The following HPS3 variants were observed in gnomAD, a reference collection of about 807,000 sequenced individuals.
HPS3 encodes BLOC-2 complex member HPS3.
HPS3 carries 79 observed loss-of-function variants against 110.9 expected under a neutral mutation model. That is an observed-to-expected ratio of 0.71 (90% confidence interval 0.59 to 0.86). HPS3 has a LOEUF of 0.86. HPS3 is among the 40% of genes least tolerant of loss of function. HPS3 has a pLI of 0.00. For missense variants in HPS3, 1,197 were observed against 1,206.2 expected (o/e 0.99, Z 0.11); for synonymous variants, 428 against 451.0 (o/e 0.95, Z 0.65).
intron 7 of HPS3, 175 bp downstream of exon 7, chr3:149,153,823 A>G (rs1723282789): frequency 1.5e-6 from 1 of 652,306 alleles, no homozygotes; most frequent in African/African-American, 1.8e-5. Context: ...AATACACTTT[A>G]TAACTGACCT....
chr3:149,164,378 TTAG>T, intron 14 of HPS3, among the ~76,000 whole-genome samples: 1 of 152,290 alleles, frequency 6.6e-6, no homozygotes, highest in African/African-American at 2.4e-5. Context: ...GTCAAAGTAG[TTAG>T]TTTATCCAGC....
rs1723705919 is a variant in HPS3 at position 149,160,287 on chromosome 3, G to C, written c.2106+8G>C. On this transcript the variant is annotated splice_region_variant and intron_variant, in intron 11 of 16. Coordinates refer to ENST00000296051, the MANE Select transcript of HPS3 (RefSeq NM_032383.5). Reference sequence around the variant, plus strand: ...ATGAAAAGCCATTCAGAGGTATGGAGCTCTGCCCGGTGCTAACAGAAGGCT... The same window carrying C: ...ATGAAAAGCCATTCAGAGGTATGGACCTCTGCCCGGTGCTAACAGAAGGCT... 4 of 1,565,906 alleles carry C rather than the reference G, an allele frequency of 2.6e-6. No individual in the cohort carries two copies. The highest frequency in any genetic ancestry group is 3.5e-6 in the Non-Finnish European group (4 of 1,136,202).
intron 1 of HPS3, among the ~76,000 whole-genome samples, chr3:149,130,694 C>T (rs1314239004): frequency 1.3e-5 from 2 of 152,098 alleles, no homozygotes; most frequent in Non-Finnish European, 2.9e-5. Context: ...GCAGGAGAAT[C>T]GCTTGAACCG....
chr3:149,166,053 G>A (rs1216021676), intron 14 of HPS3: 4 of 455,048 alleles, frequency 8.8e-6, no homozygotes, highest in Non-Finnish European at 1.8e-5. Flanking sequence ...AGAAGATGCT[G>A]TAGCAAAAAG....
intron 10 of HPS3, 93 bp from the exon 11 acceptor site, chr3:149,159,953 T>C: frequency 2.3e-6 from 2 of 864,628 alleles, no homozygotes; most frequent in South Asian, 2.7e-5. Context: ...AATGTTTGTG[T>C]CTTGGCTTTT....
At chr3:149,165,994 C>G (rs1431369120) in intron 14 of HPS3, 3 of 456,218 alleles carry the variant, frequency 6.6e-6, no homozygotes, top group South Asian at 3.1e-5. Context: ...AAAATAATCA[C>G]ACTGACTGTG....
chr3:149,149,619 A>G (rs1722982924), intron 5 of HPS3, among the ~76,000 whole-genome samples: 2 of 151,766 alleles, frequency 1.3e-5, no homozygotes, highest in African/African-American at 4.8e-5. Flanking sequence ...TTTAAATTTA[A>G]TATTACTGTT....
Position 149,141,514 on chromosome 3 carries a change from A to T in HPS3, c.970+134A>T, listed in dbSNP as rs1367275547. 1.3e-5 allele frequency: 9 copies of T among 670,402 alleles called. No homozygotes were observed. The Admixed American group carries it at 2.6e-4, about 20-fold the overall frequency. The allele number at this position is 670,402 out of a possible 1,614,324, so 41.5% of individuals were successfully genotyped here. A position where few individuals can be genotyped will look rare whatever the true frequency, so the allele number is the denominator to read the frequency against. ...ACTGGAGTCTCCTTGTGGCCCTTTA[A>T]CAAAGTTTTTTTTTTTGTTTTTTTT... On this transcript the variant is annotated intron_variant, in intron 4 of 16. Transcript: ENST00000296051.
intron 6 of HPS3, 80 bp downstream of exon 6, chr3:149,150,760 C>A: frequency 9.1e-7 from 1 of 1,103,244 alleles, no homozygotes; most frequent in Non-Finnish European, 1.4e-6. Flanking sequence ...GCTCTCAGAC[C>A]TAAGCTAGGC....
chr3:149,154,340 T>G lies in HPS3; in HGVS notation c.1400+692T>G, dbSNP rs1723309677. On this transcript the variant is annotated intron_variant, in intron 7 of 16. Transcript: ENST00000296051. ...TGTATTTCATATCAAACATGGGTTA[T>G]TTTTAACATAGATTTTTACTTTTTC... Among the ~76,000 whole-genome samples, 4 of 152,090 alleles carry G rather than the reference T, an allele frequency of 2.6e-5. 1 individual carries two copies. In the South Asian group the frequency reaches 8.3e-4, roughly 32 times the overall value.
intron 9 of HPS3, among the ~76,000 whole-genome samples, chr3:149,157,744 G>A (rs1345061680): frequency 6.6e-6 from 1 of 152,166 alleles, no homozygotes; most frequent in Non-Finnish European, 1.5e-5. Context: ...TGCTCTCAAG[G>A]AGTCACAGTT....
rs368635545 is a variant in HPS3, at chr3:149,133,443, C to T, written c.217+3503C>T. ...CCTCCCAAGTAGCTGGGGTTACAGGCATGCGCTACCACTTGTGGCGAATTT... is the reference window on the plus strand; with the variant it reads ...CCTCCCAAGTAGCTGGGGTTACAGGTATGCGCTACCACTTGTGGCGAATTT... On this transcript the variant is annotated intron_variant, in intron 1 of 16. Coordinates refer to ENST00000296051, the MANE Select transcript of HPS3 (RefSeq NM_032383.5). Among the ~76,000 whole-genome samples, 4 of 152,184 alleles carry T rather than the reference C, an allele frequency of 2.6e-5. 1 individual carries two copies. Among genetic ancestry groups the T allele is most frequent in the Admixed American group, 6.5e-5 (1 of 15,272 alleles).
intron 14 of HPS3, 35 bp downstream of exon 14, chr3:149,163,984 C>G: frequency 9.7e-7 from 1 of 1,031,206 alleles, no homozygotes. Flanking sequence ...TATGAAATTG[C>G]ATATTACAAT....
chr3:149,158,761 A>G lies in HPS3; in HGVS notation c.1787A>G (p.Glu596Gly), dbSNP rs147557809. 127 of 1,612,246 alleles carry G rather than the reference A, an allele frequency of 7.9e-5. No homozygotes were observed. The highest frequency in any genetic ancestry group is 1.6e-4 in the Middle Eastern group (1 of 6,078). Reference sequence around the variant, plus strand: ...CTGGCCCGCACGGACTGGACAGTAGAGGATGGATTACAGAAATACGAGAGA... The same window carrying G: ...CTGGCCCGCACGGACTGGACAGTAGGGGATGGATTACAGAAATACGAGAGA... ...EVLARTDWTV[E>G]DGLQKYERGL... Residue 596 changes from glutamate (E) to glycine (G), a missense_variant, in exon 10 of 17, where the codon GAG (glutamate) becomes GGG (glycine). Transcript: ENST00000296051.
intron 11 of HPS3, among the ~76,000 whole-genome samples, 166 bp from the exon 12 acceptor site, chr3:149,161,982 G>A (rs1029197391): frequency 6.6e-6 from 1 of 152,168 alleles, no homozygotes; most frequent in African/African-American, 2.4e-5. Flanking sequence ...ACAGTCAGTG[G>A]TGTCCTTTGG....
rs1724491968 is a variant in HPS3, at chr3:149,167,021, T to A, written c.2590-13T>A. The A allele has an allele frequency of 6.2e-7, 1 of 1,600,218 alleles. No individual in the cohort carries two copies. The highest frequency in any genetic ancestry group is 1.3e-5 in the African/African-American group (1 of 74,560). On this transcript the variant is annotated splice_polypyrimidine_tract_variant and intron_variant, in intron 14 of 16. Transcript: ENST00000296051. The stretch of plus-strand genomic sequence containing the variant: ...GTGCCTCATTTCATAACATTTCACT[T>A]TTCTGTTCATAGTCTCTTATATGTG...
Position 149,141,340 on chromosome 3 carries a change from C to A in HPS3, c.930C>A (p.Ile310=), listed in dbSNP as rs1170749910. The A allele has an allele frequency of 6.2e-7, 1 of 1,613,654 alleles. No individual in the cohort carries two copies. The highest frequency in any genetic ancestry group is 1.3e-5 in the African/African-American group (1 of 74,816). The part of the protein sequence containing the change: ...DISSYVLSDD[I]KLHSLQLLPI... ...CGTCCTATGTCTTGTCTGATGACAT[C>A]AAGCTACATTCCCTCCAGCTGCTAC... Residue 310 remains isoleucine (I), a synonymous_variant, in exon 4 of 17, where the codon ATC becomes ATA. Transcript: ENST00000296051.
chr3:149,141,519 G>GTTTT (rs373195954), intron 4 of HPS3, 139 bp downstream of exon 4: 7 of 392,504 alleles, frequency 1.8e-5, no homozygotes, highest in African/African-American at 5.0e-5. Context: ...CTTTAACAAA[G>GTTTT]TTTTTTTTTT....
intron 7 of HPS3, 36 bp downstream of exon 7, chr3:149,153,684 T>G (rs1723274900): frequency 6.2e-7 from 1 of 1,604,226 alleles, no homozygotes; most frequent in African/African-American, 1.3e-5. Flanking sequence ...TCCTGCCAGT[T>G]TCTGGAATGA....
Sources: allele counts gnomAD v4.1 joint callset (sites outside exome capture counted in the v4.1 genomes callset), GRCh38; gene constraint gnomAD v4.1.1; transcripts MANE v1.5; gene names NCBI Gene and HGNC (gene_info 2026-07-23, HGNC 2026-07-21).